The following MEIS1 variants were observed in gnomAD, a reference collection of about 807,000 sequenced individuals.
The protein encoded by MEIS1 is homeobox protein Meis1.
MEIS1 carries 5 observed loss-of-function variants against 50.8 expected under a neutral mutation model. That is an observed-to-expected ratio of 0.10 (90% CI 0.05 to 0.21). The LOEUF (loss-of-function observed/expected upper bound fraction) is 0.21. MEIS1 is among the 10% of genes least tolerant of loss of function. MEIS1 has a pLI of 1.00. For missense variants in MEIS1, 318 were observed against 517.3 expected (o/e 0.61, Z 3.74); for synonymous variants, 176 against 179.3 (o/e 0.98, Z 0.15).
intron 7 of MEIS1, among the ~76,000 whole-genome samples, chr2:66,506,608 T>G (rs1196034027): frequency 6.6e-6 from 1 of 152,190 alleles, no homozygotes; most frequent in Non-Finnish European, 1.5e-5. Flanking sequence ...CAAAGGATTT[T>G]AAGTACCAGG....
Position 66,510,063 on chromosome 2 carries a change from G to T in MEIS1, c.743-2086G>T, listed in dbSNP as rs184165066. Among the ~76,000 whole-genome samples the T allele has an allele frequency of 3.6e-3, 548 of 152,250 alleles. 5 individuals are homozygous for T. The highest frequency in any genetic ancestry group is 5.6e-4 in the Non-Finnish European group (38 of 68,026). ...CTTTTCATTTTTAATCAATGATCAG[G>T]TCGTATGTGTCTTTTCCTTGGTTAC... is the stretch of plus-strand genomic sequence containing the variant. On this transcript the variant is annotated intron_variant, in intron 7 of 12. Transcript: ENST00000272369.
chr2:66,446,454 G>C (rs1341906337), intron 6 of MEIS1, among the ~76,000 whole-genome samples: 3 of 152,146 alleles, frequency 2.0e-5, no homozygotes, highest in Admixed American at 6.5e-5. Context: ...GGGTGGCCAC[G>C]CCTGCCGGTA....
At chr2:66,522,699 A>C (rs142688945) in intron 8 of MEIS1, among the ~76,000 whole-genome samples, 1 of 152,222 alleles carries the variant, frequency 6.6e-6, no homozygotes, top group Non-Finnish European at 1.5e-5. Flanking sequence ...AGATGAAGCC[A>C]GGGCTTCTGA....
At chr2:66,557,820 T>C (rs1015137351) in intron 9 of MEIS1, among the ~76,000 whole-genome samples, 1 of 152,146 alleles carries the variant, frequency 6.6e-6, no homozygotes, top group Non-Finnish European at 1.5e-5. Context: ...GGAAAGCACT[T>C]TTCATTCGAT....
intron 8 of MEIS1, among the ~76,000 whole-genome samples, chr2:66,541,980 T>G (rs1455244500): frequency 5.3e-5 from 8 of 152,340 alleles, no homozygotes; most frequent in Admixed American, 4.6e-4. Context: ...CATTATGGAT[T>G]TTTTTAAAGG....
chr2:66,515,050 A>G (rs891005256), intron 8 of MEIS1, among the ~76,000 whole-genome samples: 2 of 152,168 alleles, frequency 1.3e-5, no homozygotes, highest in Admixed American at 6.6e-5. Flanking sequence ...GGGATGCACA[A>G]TTCATTAGGA....
chr2:66,506,321 G>GTCACC (rs1481735724), intron 7 of MEIS1, among the ~76,000 whole-genome samples: 4 of 152,304 alleles, frequency 2.6e-5, no homozygotes, highest in African/African-American at 9.6e-5. Flanking sequence ...AGCTGTAAAG[G>GTCACC]TCACCAGGAA....
chr2:66,521,454 G>T (rs1444879831), intron 8 of MEIS1, among the ~76,000 whole-genome samples: 1 of 151,688 alleles, frequency 6.6e-6, no homozygotes, highest in Non-Finnish European at 1.5e-5. Context: ...ATGCAGCCCC[G>T]ATTACTCTTG....
At chr2:66,465,988 C>G (rs1021914463) in intron 7 of MEIS1, among the ~76,000 whole-genome samples, 1 of 152,112 alleles carries the variant, frequency 6.6e-6, no homozygotes, top group East Asian at 1.9e-4. Context: ...ATGTTTCTTC[C>G]TATATTTTTT....
chr2:66,484,271 A>G (rs1673084543), intron 7 of MEIS1, among the ~76,000 whole-genome samples: 1 of 152,034 alleles, frequency 6.6e-6, no homozygotes, highest in South Asian at 2.1e-4. Flanking sequence ...GGTGCTGACT[A>G]CCCGCTCACC....
At chr2:66,473,198 G>A (rs1333126384) in intron 7 of MEIS1, among the ~76,000 whole-genome samples, 2 of 151,250 alleles carry the variant, frequency 1.3e-5, no homozygotes, top group Admixed American at 1.3e-4. Flanking sequence ...GACCAACATT[G>A]AGAAACCCCA....
intron 6 of MEIS1, among the ~76,000 whole-genome samples, chr2:66,463,838 G>C (rs922080205): frequency 6.6e-6 from 1 of 152,116 alleles, no homozygotes; most frequent in African/African-American, 2.4e-5. Context: ...TTTCCTCTTT[G>C]CCTGGAATGT....
intron 2 of MEIS1, among the ~76,000 whole-genome samples, chr2:66,438,336 G>A (rs937116788): frequency 2.6e-5 from 4 of 152,202 alleles, no homozygotes; most frequent in African/African-American, 4.8e-5. Context: ...GTGTTGTAAC[G>A]AAACTTTTAG....
At chr2:66,482,904 T>A (rs1383150443) in intron 7 of MEIS1, among the ~76,000 whole-genome samples, 2 of 152,188 alleles carry the variant, frequency 1.3e-5, no homozygotes, top group Non-Finnish European at 2.9e-5. Context: ...AACCCAATAT[T>A]GGTCTCTACT....
At chr2:66,498,626 G>A (rs976551990) in intron 7 of MEIS1, among the ~76,000 whole-genome samples, 5 of 152,152 alleles carry the variant, frequency 3.3e-5, no homozygotes, top group Admixed American at 1.3e-4. Flanking sequence ...GGGGCTCAGA[G>A]TAGCCTTGTC....
chr2:66,560,031 A>T (rs572849440), intron 9 of MEIS1, among the ~76,000 whole-genome samples: 1 of 151,324 alleles, frequency 6.6e-6, no homozygotes, highest in Non-Finnish European at 1.5e-5. Context: ...TCCAGGCTCA[A>T]ATGATCCTCC....
chr2:66,479,481 GA>G (rs1672968557), intron 7 of MEIS1, among the ~76,000 whole-genome samples: 1 of 152,140 alleles, frequency 6.6e-6, no homozygotes, highest in South Asian at 2.1e-4. Flanking sequence ...TTAGTATATT[GA>G]ATACAATTTA....
At chr2:66,549,660 A>C (rs1034940176) in intron 9 of MEIS1, among the ~76,000 whole-genome samples, 3 of 152,160 alleles carry the variant, frequency 2.0e-5, no homozygotes, top group Non-Finnish European at 1.5e-5. Flanking sequence ...AGGCTGCACA[A>C]ATGTCCGCAT....
At chr2:66,498,655 C>A (rs538792556) in intron 7 of MEIS1, among the ~76,000 whole-genome samples, 1 of 152,112 alleles carries the variant, frequency 6.6e-6, no homozygotes, top group Admixed American at 6.5e-5. Flanking sequence ...GTCCAGTGGG[C>A]GCAGCTACAG....
Sources: gnomAD v4.1 joint callset for allele counts (sites outside exome capture counted in the v4.1 genomes callset) on GRCh38, gnomAD v4.1.1 for gene constraint, MANE v1.5 for transcripts, NCBI Gene and HGNC (gene_info 2026-07-23, HGNC 2026-07-21) for gene names.